SOX6: variants seen among roughly 807,000 people sequenced by gnomAD.
SOX6 encodes the protein transcription factor SOX-6.
A neutral mutation model predicts 97.8 loss-of-function variants in SOX6; 11 were observed. That is an observed-to-expected ratio of 0.11 (90% CI 0.07 to 0.19). The LOEUF (loss-of-function observed/expected upper bound fraction) is 0.19, where lower values mean the gene tolerates loss of function less well. Ranked by LOEUF, SOX6 falls within the 10% of genes least tolerant of loss-of-function variation. The pLI, the probability that SOX6 is intolerant of heterozygous loss-of-function variation, is 1.00. For missense variants in SOX6, 810 were observed against 1,039.5 expected (o/e 0.78, Z 3.04); for synonymous variants, 360 against 371.4 (o/e 0.97, Z 0.35).
chr11:16,646,909 G>T (rs1849022925), intron 3 of SOX6, among the ~76,000 whole-genome samples: 1 of 152,138 alleles, frequency 6.6e-6, no homozygotes, highest in Non-Finnish European at 1.5e-5. Context: ...CCCAGTAGTG[G>T]GATTGCTGGA....
chr11:16,624,275 C>T (rs544775712), intron 3 of SOX6, among the ~76,000 whole-genome samples: 1 of 151,964 alleles, frequency 6.6e-6, no homozygotes, highest in East Asian at 1.9e-4. Flanking sequence ...GCAATCTCTG[C>T]CTTCCGGGTT....
intron 9 of SOX6, among the ~76,000 whole-genome samples, chr11:16,082,991 T>G (rs1381060139): frequency 3.9e-5 from 6 of 152,168 alleles, no homozygotes. Context: ...AGCTATTCTC[T>G]TTGTCTGGAG....
intron 6 of SOX6, among the ~76,000 whole-genome samples, chr11:16,174,421 T>C (rs976151674): frequency 6.6e-6 from 1 of 152,020 alleles, no homozygotes; most frequent in African/African-American, 2.4e-5. Context: ...CAGGAGATAC[T>C]ATACTTTTTG....
At chr11:16,218,975 G>T (rs1197610737) in intron 4 of SOX6, among the ~76,000 whole-genome samples, 2 of 152,028 alleles carry the variant, frequency 1.3e-5, no homozygotes, top group Non-Finnish European at 2.9e-5. Context: ...TACCCCTCTT[G>T]CACTCTTCTT....
chr11:16,690,083 C>T (rs1848001219), intron 3 of SOX6, among the ~76,000 whole-genome samples: 1 of 152,122 alleles, frequency 6.6e-6, no homozygotes, highest in Admixed American at 6.6e-5. Flanking sequence ...CGCCACCACA[C>T]CCAGCTAACT....
chr11:16,074,513 TG>T (rs1161471819), intron 9 of SOX6, among the ~76,000 whole-genome samples: 1 of 152,162 alleles, frequency 6.6e-6, no homozygotes, highest in African/African-American at 2.4e-5. Context: ...TTCTACCAGA[TG>T]TATAAAGAAG....
chr11:16,667,575 T>C (rs1034309060), intron 3 of SOX6, among the ~76,000 whole-genome samples: 1 of 150,784 alleles, frequency 6.6e-6, no homozygotes, highest in Non-Finnish European at 1.5e-5. Flanking sequence ...TATCCTAGAA[T>C]AGTGTATCCA....
In SOX6 at chr11:16,045,615, C is replaced by T. The variant is rs373429096; in HGVS notation, c.1623+899G>A. ...CCTATCACTTTTACTTTATGATCCC[C>T]GGCTGTGTCGTCTCTTGTGCCATTC... On this transcript the variant is annotated intron_variant, in intron 12 of 15. Transcript: ENST00000683767. Among the ~76,000 whole-genome samples the T allele has an allele frequency of 2.7e-4, 41 of 152,228 alleles. No homozygotes were observed. The South Asian group carries it at 7.3e-3, about 27-fold the overall frequency.
chr11:16,127,871 T>C (rs1357355763), intron 6 of SOX6, among the ~76,000 whole-genome samples: 1 of 152,178 alleles, frequency 6.6e-6, no homozygotes, highest in East Asian at 1.9e-4. Context: ...ATGTATGATA[T>C]ATGCCCAAAA....
chr11:16,013,246 A>T (rs1480623016), intron 13 of SOX6, among the ~76,000 whole-genome samples: 1 of 152,032 alleles, frequency 6.6e-6, no homozygotes, highest in East Asian at 1.9e-4. Context: ...CAGACTGAAT[A>T]CTCCAAAGTA....
intron 2 of SOX6, among the ~76,000 whole-genome samples, chr11:16,339,209 T>C (rs914921340): frequency 2.0e-5 from 3 of 152,058 alleles, no homozygotes; most frequent in Admixed American, 1.3e-4. Context: ...CGCCAGACTT[T>C]ATCTGTTTGA....
At chr11:16,109,289 C>T (rs1849170395) in intron 7 of SOX6, among the ~76,000 whole-genome samples, 1 of 152,164 alleles carries the variant, frequency 6.6e-6, no homozygotes. Flanking sequence ...CTGCCTCAAC[C>T]TACCGGGCTC....
chr11:16,464,030 T>C (rs1254507668), intron 1 of SOX6, among the ~76,000 whole-genome samples: 1 of 152,148 alleles, frequency 6.6e-6, no homozygotes, highest in Non-Finnish European at 1.5e-5. Flanking sequence ...GGTTATAACT[T>C]TATGGTTATA....
At chr11:16,443,474 A>G (rs1356456517) in intron 1 of SOX6, among the ~76,000 whole-genome samples, 2 of 152,232 alleles carry the variant, frequency 1.3e-5, no homozygotes, top group Non-Finnish European at 2.9e-5. Flanking sequence ...TAAACCAACC[A>G]CAGTGCTAGG....
intron 1 of SOX6, among the ~76,000 whole-genome samples, chr11:16,433,430 T>C (rs1447609652): frequency 6.6e-6 from 1 of 152,106 alleles, no homozygotes; most frequent in Non-Finnish European, 1.5e-5. Context: ...AGATGAACTC[T>C]AGAACATGTG....
intron 6 of SOX6, among the ~76,000 whole-genome samples, chr11:16,131,233 T>C (rs536507527): frequency 1.2e-3 from 178 of 151,836 alleles, no homozygotes; most frequent in African/African-American, 4.2e-3. Flanking sequence ...TCAGAATAAT[T>C]AAGAAAAACT....
At chr11:16,186,696 A>T in intron 5 of SOX6, 87 bp downstream of exon 5, 1 of 1,425,686 alleles carries the variant, frequency 7.0e-7, no homozygotes, top group Non-Finnish European at 9.8e-7. Flanking sequence ...AGGAAAGCTT[A>T]CAACAAATAA....
At chr11:16,079,012 T>C (rs1848416646) in intron 9 of SOX6, among the ~76,000 whole-genome samples, 1 of 152,206 alleles carries the variant, frequency 6.6e-6, no homozygotes. Flanking sequence ...AAACCGACTT[T>C]GTGTTCCATT....
At chr11:16,545,363 C>T (rs1462553414) in intron 4 of SOX6, among the ~76,000 whole-genome samples, 2 of 146,652 alleles carry the variant, frequency 1.4e-5, no homozygotes, top group Non-Finnish European at 3.0e-5. Context: ...AAAAAAAGAA[C>T]CCACATCTCA....
Sources: allele counts gnomAD v4.1 joint callset (sites outside exome capture counted in the v4.1 genomes callset), GRCh38; gene constraint gnomAD v4.1.1; transcripts MANE v1.5; gene names NCBI Gene and HGNC (gene_info 2026-07-23, HGNC 2026-07-21).